REEP6: variants seen among roughly 807,000 people sequenced by gnomAD.
REEP6 encodes the protein receptor accessory protein 6.
In REEP6, 19 loss-of-function variants were observed where a neutral mutation model predicts 22.4. The observed-to-expected ratio is 0.85, with a 90% CI of 0.59 to 1.25. REEP6 has a LOEUF of 1.25. Ranked by LOEUF, REEP6 falls within the 50% of genes most tolerant of loss-of-function variation. The probability of loss-of-function intolerance (pLI) is 0.00; values close to 1 mark genes in which losing one functional copy is unlikely to be tolerated. For missense variants in REEP6, 273 were observed against 251.9 expected, an observed-to-expected ratio of 1.08 and a Z score of -0.57; for synonymous variants, 121 against 113.6, an observed-to-expected ratio of 1.06 and a Z score of -0.41.
intron 1 of REEP6, among the ~76,000 whole-genome samples, chr19:1,494,823 T>G (rs1427739640): frequency 6.6e-6 from 1 of 152,180 alleles, no homozygotes; most frequent in Admixed American, 6.5e-5. Flanking sequence ...CAGCTGGGAC[T>G]ACAGGCACAC....
rs367607804 is a variant in REEP6 at position 1,497,153 on chromosome 19, C to T, written c.518-21C>T. The T allele has an allele frequency of 3.6e-6, 5 of 1,389,208 alleles. No homozygotes were observed. The highest frequency in any genetic ancestry group is 1.6e-5 in the South Asian group (1 of 60,944). The allele number at this position is 1,389,208 out of a possible 1,614,324, so 86.1% of individuals were successfully genotyped here. A position where few individuals can be genotyped will look rare whatever the true frequency, so the allele number is the denominator to read the frequency against. On this transcript the variant is annotated intron_variant, in intron 4 of 4. Coordinates refer to ENST00000233596, the MANE Select transcript of REEP6 (RefSeq NM_138393.4). The surrounding 1 kb of genome is among the most constrained non-coding windows in gnomAD (Gnocchi z 6.5). ...CCAGGCCTGCCTCACGGCCCTCCCCCACCCGCCCCTCTCTCTGCAGTCAAG... is the reference window on the plus strand; with the variant it reads ...CCAGGCCTGCCTCACGGCCCTCCCCTACCCGCCCCTCTCTCTGCAGTCAAG...
At chr19:1,496,159 G>A (rs938961891) in intron 3 of REEP6, 126 bp from the exon 4 acceptor site, 5 of 1,195,602 alleles carry the variant, frequency 4.2e-6, no homozygotes, top group Non-Finnish European at 5.7e-6. Context: ...CCACCCTAAA[G>A]GGTGTCTGAT....
chr19:1,492,088 A>C (rs2084957822), intron 1 of REEP6, among the ~76,000 whole-genome samples: 1 of 152,146 alleles, frequency 6.6e-6, no homozygotes, highest in South Asian at 2.1e-4. Flanking sequence ...GCATGTAGTA[A>C]ACGCTCCTTA....
Position 1,497,154 on chromosome 19 carries a change from AC to A in REEP6, c.518-17del. On this transcript the variant is annotated intron_variant, in intron 4 of 4. Coordinates refer to ENST00000233596, the MANE Select transcript of REEP6 (RefSeq NM_138393.4). The surrounding 1 kb of genome is among the most constrained non-coding windows in gnomAD (Gnocchi z 6.5). Reference sequence around the variant, plus strand: ...CAGGCCTGCCTCACGGCCCTCCCCCACCCGCCCCTCTCTCTGCAGTCAAGCC... The same window carrying A: ...CAGGCCTGCCTCACGGCCCTCCCCCACCGCCCCTCTCTCTGCAGTCAAGCC... The A allele has an allele frequency of 1.2e-6, 1 of 826,268 alleles. No homozygotes were observed. Among genetic ancestry groups the A allele is most frequent in the Non-Finnish European group, 1.7e-6 (1 of 596,736 alleles). 51.2% of individuals were successfully genotyped at this position (826,268 alleles called of 1,614,324 possible).
rs1036963467 is a variant in REEP6 at position 1,497,347 on chromosome 19, T to C, written c.*136T>C. The C allele has an allele frequency of 9.4e-6, 8 of 848,994 alleles. No individual in the cohort carries two copies. Among genetic ancestry groups the C allele is most frequent in the African/African-American group, 8.4e-5 (5 of 59,522 alleles). 52.6% of individuals were successfully genotyped at this position (848,994 alleles called of 1,614,324 possible). ...AGTCCCTCGGGTCCAGGCAAGGCCCTGGGGGTCTCCTTAAATGCCACCTCG... is the reference window on the plus strand; with the variant it reads ...AGTCCCTCGGGTCCAGGCAAGGCCCCGGGGGTCTCCTTAAATGCCACCTCG... On this transcript the variant is annotated 3_prime_UTR_variant, in exon 5 of 5. Coordinates refer to ENST00000233596, the MANE Select transcript of REEP6 (RefSeq NM_138393.4). This position sits in a 1 kb window ranked among gnomAD's most constrained non-coding sequence, Gnocchi z 6.5.
At chr19:1,492,875 C>T (rs2084978075) in intron 1 of REEP6, among the ~76,000 whole-genome samples, 2 of 152,214 alleles carry the variant, frequency 1.3e-5, no homozygotes, top group South Asian at 4.1e-4. Flanking sequence ...CATGGCCCGG[C>T]TGTGCCTGCC....
rs774124804 is a variant in REEP6, at chr19:1,496,548, C to A, written c.517+95C>A. The A allele has an allele frequency of 3.6e-6, 5 of 1,382,982 alleles. No individual in the cohort carries two copies. The African/African-American group carries it at 7.7e-5, about 21-fold the overall frequency. 85.7% of individuals were successfully genotyped at this position (1,382,982 alleles called of 1,614,324 possible). ...CCTCCCTTTCTGACTTTGGCCGCCC[C>A]CTCTCACTGTCCGCCTCTCTCTCTC... On this transcript the variant is annotated intron_variant, in intron 4 of 4. Transcript: ENST00000233596.
At chr19:1,496,515 C>A in intron 4 of REEP6, 62 bp downstream of exon 4, 2 of 1,569,610 alleles carry the variant, frequency 1.3e-6, no homozygotes, top group Non-Finnish European at 1.7e-6. Flanking sequence ...CTGTCTCTCT[C>A]CACCTTGCCT....
chr19:1,491,536 T>G lies in REEP6; in HGVS notation c.115+152T>G. On this transcript the variant is annotated intron_variant, in intron 1 of 4. Coordinates refer to ENST00000233596, the MANE Select transcript of REEP6 (RefSeq NM_138393.4). This position sits in a 1 kb window ranked among gnomAD's most constrained non-coding sequence, Gnocchi z 5.4. ...GGACCTCGAGGTCCGCCCGCAGCCC[T>G]TCCCTTGCCCGCGCCCTGCGACCCT... 6.3e-6 allele frequency: 3 copies of G among 472,486 alleles called. No homozygotes were observed. Among genetic ancestry groups the G allele is most frequent in the African/African-American group, 2.0e-5 (1 of 49,422 alleles). 29.3% of individuals were successfully genotyped at this position (472,486 alleles called of 1,614,324 possible).
chr19:1,496,898 G>A (rs975973967), intron 4 of REEP6, among the ~76,000 whole-genome samples: 1 of 152,130 alleles, frequency 6.6e-6, no homozygotes, highest in African/African-American at 2.4e-5. Flanking sequence ...GTGTGCCCAC[G>A]TGTGCATGTG....
chr19:1,495,379 A>C lies in REEP6; in HGVS notation c.201A>C (p.Ala67=). 1 of 1,613,824 alleles carries C rather than the reference A, an allele frequency of 6.2e-7. No individual in the cohort carries two copies. Among genetic ancestry groups the C allele is most frequent in the Admixed American group, 1.7e-5 (1 of 60,030 alleles). ...LCNLIGFVYP[A]YASIKAIESP... ...ATCTCATCGGATTTGTGTACCCCGC[A>C]TATGCCTCGTGAGTGCACGGCTGGC... Residue 67 remains alanine, a synonymous_variant, in exon 2 of 5, where the codon GCA becomes GCC. Transcript: ENST00000233596.
chr19:1,494,263 G>A (rs577145578), intron 1 of REEP6, among the ~76,000 whole-genome samples: 145 of 152,260 alleles, frequency 9.5e-4, no homozygotes, highest in African/African-American at 3.3e-3. Context: ...CCAGGGGATC[G>A]AGATGCTGGG....
chr19:1,495,077 G>A (rs1881157343), intron 1 of REEP6, among the ~76,000 whole-genome samples: 1 of 152,230 alleles, frequency 6.6e-6, no homozygotes, highest in South Asian at 2.1e-4. Context: ...CCCCGGTGGG[G>A]GACATGGACA....
Position 1,497,042 on chromosome 19 carries a change from T to G in REEP6, c.518-132T>G. 1 of 691,492 alleles carries G rather than the reference T, an allele frequency of 1.4e-6. No individual in the cohort carries two copies. The highest frequency in any genetic ancestry group is 2.4e-6 in the Non-Finnish European group (1 of 423,264). The allele number at this position is 691,492 out of a possible 1,614,324, so 42.8% of individuals were successfully genotyped here. A position where few individuals can be genotyped will look rare whatever the true frequency, so the allele number is the denominator to read the frequency against. On this transcript the variant is annotated intron_variant, in intron 4 of 4. Coordinates refer to ENST00000233596, the MANE Select transcript of REEP6 (RefSeq NM_138393.4). This position sits in a 1 kb window ranked among gnomAD's most constrained non-coding sequence, Gnocchi z 6.5. ...AAGCCTCTGTGTGGTTGACACCATC[T>G]CTGCTGAGGGTGGCTGCCCGGCCCC...
rs1393602118 is a variant in REEP6 at position 1,497,743 on chromosome 19, C to A, written c.*532C>A. On this transcript the variant is annotated 3_prime_UTR_variant, in exon 5 of 5. Coordinates refer to ENST00000233596, the MANE Select transcript of REEP6 (RefSeq NM_138393.4). This position sits in a 1 kb window ranked among gnomAD's most constrained non-coding sequence, Gnocchi z 6.5. Reference sequence around the variant, plus strand: ...CAGAAGGAATCGTCGAAACAGCCTGCCAGCAGCGCCTCAGTGCCCGAGCTG... The same window carrying A: ...CAGAAGGAATCGTCGAAACAGCCTGACAGCAGCGCCTCAGTGCCCGAGCTG... 1 of 471,088 alleles carries A rather than the reference C, an allele frequency of 2.1e-6. No individual in the cohort carries two copies. The highest frequency in any genetic ancestry group is 1.5e-5 in the South Asian group (1 of 64,570). 29.2% of individuals were successfully genotyped at this position (471,088 alleles called of 1,614,324 possible).
In REEP6 at chr19:1,497,583, C is replaced by A. The variant is rs1374985672; in HGVS notation, c.*372C>A. 1.8e-6 allele frequency: 1 copy of A among 549,706 alleles called. No homozygotes were observed. Among genetic ancestry groups the A allele is most frequent in the East Asian group, 4.6e-5 (1 of 21,664 alleles). The allele number at this position is 549,706 out of a possible 1,614,324, so 34.1% of individuals were successfully genotyped here. A position where few individuals can be genotyped will look rare whatever the true frequency, so the allele number is the denominator to read the frequency against. On this transcript the variant is annotated 3_prime_UTR_variant, in exon 5 of 5. Coordinates refer to ENST00000233596, the MANE Select transcript of REEP6 (RefSeq NM_138393.4). This position sits in a 1 kb window ranked among gnomAD's most constrained non-coding sequence, Gnocchi z 6.5. ...AGCCCTCCCGTCCTCGGGGCCCCTGCAGCCACCCAACGTCACCTCCAGCCC... is the reference window on the plus strand; with the variant it reads ...AGCCCTCCCGTCCTCGGGGCCCCTGAAGCCACCCAACGTCACCTCCAGCCC...
chr19:1,491,395 G>A lies in REEP6; in HGVS notation c.115+11G>A, dbSNP rs956136622. The stretch of plus-strand genomic sequence containing the variant: ...GGTATCTGGCTGCAGGTGAGCCGTC[G>A]GCGCTAGCCCGTTTCGCCGACGGGC... On this transcript the variant is annotated intron_variant, in intron 1 of 4. Coordinates refer to ENST00000233596, the MANE Select transcript of REEP6 (RefSeq NM_138393.4). The surrounding 1 kb of genome is among the most constrained non-coding windows in gnomAD (Gnocchi z 5.4). 2 of 1,413,334 alleles carry A rather than the reference G, an allele frequency of 1.4e-6. No homozygotes were observed. Among genetic ancestry groups the A allele is most frequent in the Non-Finnish European group, 1.8e-6 (2 of 1,082,344 alleles). The allele number at this position is 1,413,334 out of a possible 1,614,324, so 87.5% of individuals were successfully genotyped here. A position where few individuals can be genotyped will look rare whatever the true frequency, so the allele number is the denominator to read the frequency against.
In REEP6 at chr19:1,492,174, G is replaced by A. The variant is rs184558616; in HGVS notation, c.115+790G>A. ...CTGCTGCCCAGGCTGGAGTGCAGTG[G>A]TGTGATCTTGGCTCACTGCAACCTC... On this transcript the variant is annotated intron_variant, in intron 1 of 4. Transcript: ENST00000233596. Among the ~76,000 whole-genome samples, 855 of 152,268 alleles carry A rather than the reference G, an allele frequency of 5.6e-3. 5 individuals carry two copies. The highest frequency in any genetic ancestry group is 0.02 in the Middle Eastern group (6 of 294).
In REEP6 at chr19:1,491,385, G is replaced by T; in HGVS notation, c.115+1G>T. The T allele has an allele frequency of 6.9e-7, 1 of 1,444,366 alleles. No individual in the cohort carries two copies. The highest frequency in any genetic ancestry group is 1.4e-5 in the South Asian group (1 of 69,940). The allele number at this position is 1,444,366 out of a possible 1,614,324, so 89.5% of individuals were successfully genotyped here. A position where few individuals can be genotyped will look rare whatever the true frequency, so the allele number is the denominator to read the frequency against. On this transcript the variant is annotated splice_donor_variant, in intron 1 of 4. Transcript: ENST00000233596. LOFTEE classifies it high-confidence loss of function. This position sits in a 1 kb window ranked among gnomAD's most constrained non-coding sequence, Gnocchi z 5.4. ...GTGGAGAAGCGGTATCTGGCTGCAG[G>T]TGAGCCGTCGGCGCTAGCCCGTTTC...
Sources: allele counts gnomAD v4.1 joint callset (sites outside exome capture counted in the v4.1 genomes callset), GRCh38; gene constraint gnomAD v4.1.1; non-coding constraint Gnocchi (gnomAD v3.1); transcripts MANE v1.5; gene names NCBI Gene and HGNC (gene_info 2026-07-23, HGNC 2026-07-21).